MTMR3: variants seen among roughly 807,000 people sequenced by gnomAD.
MTMR3 encodes the protein phosphatidylinositol-3,5-bisphosphate 3-phosphatase MTMR3.
MTMR3 carries 32 observed loss-of-function variants against 132.4 expected under a neutral mutation model. The observed-to-expected ratio is 0.24, with a 90% CI of 0.18 to 0.32. MTMR3 has a LOEUF of 0.32. MTMR3 is among the 10% of genes least tolerant of loss of function. The probability of loss-of-function intolerance (pLI) is 1.00; values close to 1 mark genes in which losing one functional copy is unlikely to be tolerated. For synonymous variants in MTMR3, 556 were observed against 550.3 expected (o/e 1.01, Z -0.14); for missense variants, 1,216 against 1,489.6 (o/e 0.82, Z 3.02).
In MTMR3 at chr22:29,965,257, C is replaced by T. The variant is rs146761638; in HGVS notation, c.-84-5719C>T. 6.7e-3 allele frequency among the ~76,000 whole-genome samples: 1,019 copies of T among 151,566 alleles called. 17 individuals are homozygous for T. The highest frequency in any genetic ancestry group is 0.024 in the African/African-American group (980 of 41,236). On this transcript the variant is annotated intron_variant, in intron 2 of 19. Coordinates refer to ENST00000401950, the MANE Select transcript of MTMR3 (RefSeq NM_021090.4). ...ATACTAGATTATTGGTAAATTTTGA[C>T]TGACTGCAGTGCAGAAAGAACATCA... is the stretch of plus-strand genomic sequence containing the variant.
intron 5 of MTMR3, chr22:29,988,139 A>G (rs1179411166): frequency 6.2e-6 from 1 of 161,176 alleles, no homozygotes; most frequent in Admixed American, 6.3e-5. Context: ...ATGTCATTGC[A>G]TCATTGCAAA....
chr22:30,016,760 G>C (rs2067601934), intron 15 of MTMR3, 62 bp downstream of exon 15: 1 of 1,531,322 alleles, frequency 6.5e-7, no homozygotes, highest in Non-Finnish European at 8.8e-7. Context: ...GGTTACATAT[G>C]AGAGCCTTTT....
At position 30,009,169 on chromosome 22, in the gene MTMR3, A is replaced by C. The variant is rs755604237; in HGVS notation, c.1121+40A>C. 9 of 1,338,164 alleles carry C rather than the reference A, an allele frequency of 6.7e-6. 1 individual carries two copies. Among genetic ancestry groups the C allele is most frequent in the Middle Eastern group, 1.8e-4 (1 of 5,538 alleles). The allele number at this position is 1,338,164 out of a possible 1,614,324, so 82.9% of individuals were successfully genotyped here. A position where few individuals can be genotyped will look rare whatever the true frequency, so the allele number is the denominator to read the frequency against. ...TTGGCTTTCATTTTGCATTGCTCTT[A>C]AATAATAAGTTTGCTTCTTTCCTTG... On this transcript the variant is annotated intron_variant, in intron 12 of 19. Transcript: ENST00000401950.
In MTMR3 at chr22:29,901,049, G is replaced by A. The variant is rs190756075; in HGVS notation, c.-138+17690G>A. On this transcript the variant is annotated intron_variant, in intron 1 of 19. Coordinates refer to ENST00000401950, the MANE Select transcript of MTMR3 (RefSeq NM_021090.4). ...TGTGAAAATACGTAAAGACTTTTAG[G>A]CAAATGTTAAGATTTTATAATAATC... Among the ~76,000 whole-genome samples the A allele has an allele frequency of 1.3e-4, 20 of 152,170 alleles. No individual in the cohort carries two copies. The East Asian group carries it at 3.9e-3, about 29-fold the overall frequency.
intron 2 of MTMR3, among the ~76,000 whole-genome samples, chr22:29,960,724 G>A (rs889063106): frequency 1.3e-5 from 2 of 152,198 alleles, no homozygotes; most frequent in Admixed American, 6.5e-5. Context: ...GGCTCAGAGA[G>A]GTAGTATGAT....
intron 1 of MTMR3, among the ~76,000 whole-genome samples, chr22:29,949,044 G>A (rs1602540562): frequency 6.8e-6 from 1 of 147,504 alleles, no homozygotes; most frequent in East Asian, 2.0e-4. Context: ...GCTGCAGTGA[G>A]CCACAATCAT....
At chr22:29,967,931 G>GTGTT (rs2066460672) in intron 2 of MTMR3, among the ~76,000 whole-genome samples, 1 of 151,740 alleles carries the variant, frequency 6.6e-6, no homozygotes, top group South Asian at 2.1e-4. Flanking sequence ...GTGTGTGTGT[G>GTGTT]TGTGTGTGTG....
chr22:30,009,171 A>G (rs780016519), intron 12 of MTMR3, 42 bp downstream of exon 12: 1 of 1,332,460 alleles, frequency 7.5e-7, no homozygotes, highest in Non-Finnish European at 1.1e-6. Context: ...TTGCTCTTAA[A>G]TAATAAGTTT....
chr22:29,937,282 ATTCTC>A (rs553369497), intron 1 of MTMR3, among the ~76,000 whole-genome samples: 23 of 152,312 alleles, frequency 1.5e-4, no homozygotes, highest in South Asian at 1.2e-3. Context: ...ATACCAAGAC[ATTCTC>A]TTCTAAGAAG....
In MTMR3 at chr22:29,998,691, G is replaced by A. The variant is rs544495377; in HGVS notation, c.461-70G>A. On this transcript the variant is annotated intron_variant, in intron 7 of 19. Coordinates refer to ENST00000401950, the MANE Select transcript of MTMR3 (RefSeq NM_021090.4). Reference sequence around the variant, plus strand: ...ATATGTAACATATGTATATTTCTTTGTTTTTATTCCACCTGTTTTGCAAAA... The same window carrying A: ...ATATGTAACATATGTATATTTCTTTATTTTTATTCCACCTGTTTTGCAAAA... 6 of 994,612 alleles carry A rather than the reference G, an allele frequency of 6.0e-6. No homozygotes were observed. The South Asian group carries it at 9.4e-5, about 16-fold the overall frequency. The allele number at this position is 994,612 out of a possible 1,614,324, so 61.6% of individuals were successfully genotyped here. A position where few individuals can be genotyped will look rare whatever the true frequency, so the allele number is the denominator to read the frequency against.
rs533585066 is a variant in MTMR3, at chr22:29,997,534, G to T, written c.461-1227G>T. The T allele has an allele frequency of 4.5e-4, 68 of 152,322 alleles. 2 individuals are homozygous for T. The highest frequency in any genetic ancestry group is 3.9e-3 in the Admixed American group (60 of 15,302). 9.4% of individuals were successfully genotyped at this position (152,322 alleles called of 1,614,324 possible). On this transcript the variant is annotated intron_variant, in intron 7 of 19. Coordinates refer to ENST00000401950, the MANE Select transcript of MTMR3 (RefSeq NM_021090.4). The stretch of plus-strand genomic sequence containing the variant: ...GTTTTCAAGGAAGAAAGTTATTTTA[G>T]ATTTACTGAATTTATGTTAGCTTCG...
intron 7 of MTMR3, 37 bp from the exon 8 acceptor site, chr22:29,998,724 C>T: frequency 6.6e-7 from 1 of 1,519,126 alleles, no homozygotes; most frequent in Non-Finnish European, 9.0e-7. Context: ...AAATGGTATT[C>T]ATTTCTTCCT....
Position 30,020,134 on chromosome 22 carries a change from A to T in MTMR3, c.2475A>T (p.Ser825=), listed in dbSNP as rs753447317. The change falls in exon 17 of 20, where the codon TCA becomes TCT. Residue 825 remains serine, a synonymous_variant. Transcript: ENST00000401950. ...DAKVGYGTSQ[S]CSLLPSQVPF... The stretch of plus-strand genomic sequence containing the variant: ...AAGTTGGCTATGGTACCTCACAGTC[A>T]TGTTCTCTGCTACCTTCCCAAGTCC... 1 of 1,614,246 alleles carries T rather than the reference A, an allele frequency of 6.2e-7. No homozygotes were observed. Among genetic ancestry groups the T allele is most frequent in the South Asian group, 1.1e-5 (1 of 91,090 alleles).
chr22:30,022,942 T>G lies in MTMR3; in HGVS notation c.3425+245T>G, dbSNP rs186523559. On this transcript the variant is annotated intron_variant, in intron 19 of 19. Transcript: ENST00000401950. Reference sequence around the variant, plus strand: ...GGTAGCATTTTGTTGTTTCCCAGATTGGTGAAACAACAGCCACCACTGAAA... The same window carrying G: ...GGTAGCATTTTGTTGTTTCCCAGATGGGTGAAACAACAGCCACCACTGAAA... The G allele has an allele frequency of 8.0e-4, 408 of 512,524 alleles. 4 individuals carry two copies. Among genetic ancestry groups the G allele is most frequent in the African/African-American group, 7.3e-3 (379 of 52,202 alleles). The allele number at this position is 512,524 out of a possible 1,614,324, so 31.7% of individuals were successfully genotyped here.
chr22:29,982,641 A>G (rs1472743855), intron 5 of MTMR3: 2 of 152,228 alleles, frequency 1.3e-5, no homozygotes, highest in Non-Finnish European at 2.9e-5. Context: ...AGTTTTAAAT[A>G]GCTACCTGAT....
chr22:29,935,214 G>A (rs1289075118), intron 1 of MTMR3, among the ~76,000 whole-genome samples: 1 of 152,204 alleles, frequency 6.6e-6, no homozygotes, highest in African/African-American at 2.4e-5. Context: ...TAGGACATTA[G>A]TGGTAGAGCT....
intron 1 of MTMR3, among the ~76,000 whole-genome samples, chr22:29,951,756 G>C (rs2066084283): frequency 6.6e-6 from 1 of 152,014 alleles, no homozygotes; most frequent in Non-Finnish European, 1.5e-5. Context: ...AACATACTCT[G>C]TACCTCGTAT....
intron 2 of MTMR3, among the ~76,000 whole-genome samples, chr22:29,962,374 C>T (rs555607849): frequency 3.2e-4 from 49 of 152,262 alleles, no homozygotes; most frequent in African/African-American, 1.2e-3. Context: ...TTCCTCACCT[C>T]AGAAACTTCA....
intron 2 of MTMR3, among the ~76,000 whole-genome samples, chr22:29,966,726 C>CGTGTGTGTGTGT (rs55960706): frequency 1.1e-4 from 15 of 142,852 alleles, no homozygotes; most frequent in African/African-American, 3.6e-4. Context: ...TAGGGGTGTG[C>CGTGTGTGTGTGT]GTGTGTGTGT....
Sources: allele counts gnomAD v4.1 joint callset (sites outside exome capture counted in the v4.1 genomes callset), GRCh38; gene constraint gnomAD v4.1.1; transcripts MANE v1.5; gene names NCBI Gene and HGNC (gene_info 2026-07-23, HGNC 2026-07-21).